The following SH3RF3 variants were observed in gnomAD, a reference collection of about 807,000 sequenced individuals.
SH3RF3 encodes the protein SH3 domain containing ring finger 3, also known as E3 ubiquitin-protein ligase SH3RF3.
A neutral mutation model predicts 66.3 loss-of-function variants in SH3RF3; 29 were observed. That is an observed-to-expected ratio of 0.44 (90% confidence interval 0.33 to 0.60). SH3RF3 has a LOEUF of 0.60. Among genes scored for constraint, SH3RF3 ranks in the 20% least tolerant of loss-of-function variants. SH3RF3 has a pLI of 0.04. For synonymous variants in SH3RF3, 583 were observed against 532.0 expected (o/e 1.10, Z -1.32); for missense variants, 1,194 against 1,190.9 (o/e 1.00, Z -0.04).
At chr2:109,286,898 A>G (rs753020738) in intron 1 of SH3RF3, among the ~76,000 whole-genome samples, 3 of 152,188 alleles carry the variant, frequency 2.0e-5, no homozygotes, top group Non-Finnish European at 4.4e-5. Context: ...GAAAGCAGTC[A>G]ATGCTGTGAG....
At chr2:109,193,894 C>T (rs1290944814) in intron 1 of SH3RF3, among the ~76,000 whole-genome samples, 1 of 152,208 alleles carries the variant, frequency 6.6e-6, no homozygotes, top group Non-Finnish European at 1.5e-5. Flanking sequence ...CAGGGTTTGG[C>T]AGGCTGCAAG....
In SH3RF3 at chr2:109,238,452, TG is replaced by T. The variant is rs1558974667; in HGVS notation, c.573+108340del. ...ATTTCTTGTTTGTTATGTATATTTG[TG>T]TGTGTGTGTGTGTGTGTGTGTGTGT... On this transcript the variant is annotated intron_variant, in intron 1 of 9. Transcript: ENST00000309415. Among the ~76,000 whole-genome samples, 7 of 952 alleles carry T rather than the reference TG, an allele frequency of 7.4e-3. No homozygotes were observed. The East Asian group carries it at 0.27, about 37-fold the overall frequency. The allele number at this position is 952 out of a possible 152,430, so 0.6% of individuals were successfully genotyped here. A position where few individuals can be genotyped will look rare whatever the true frequency, so the allele number is the denominator to read the frequency against.
chr2:109,292,777 G>T (rs1395713403), intron 1 of SH3RF3, among the ~76,000 whole-genome samples: 1 of 152,124 alleles, frequency 6.6e-6, no homozygotes, highest in Non-Finnish European at 1.5e-5. Flanking sequence ...TTGTTGCCCA[G>T]GCTGGAGTGC....
intron 1 of SH3RF3, among the ~76,000 whole-genome samples, chr2:109,134,778 C>A (rs1187283430): frequency 6.6e-6 from 1 of 152,184 alleles, no homozygotes; most frequent in African/African-American, 2.4e-5. Context: ...GTGGCCACCC[C>A]TTCCATTCAC....
At chr2:109,348,304 A>G (rs1380876593) in intron 2 of SH3RF3, among the ~76,000 whole-genome samples, 1 of 152,192 alleles carries the variant, frequency 6.6e-6, no homozygotes, top group Admixed American at 6.5e-5. Context: ...ACGCCTTTCC[A>G]GGACTCTTGG....
intron 1 of SH3RF3, among the ~76,000 whole-genome samples, chr2:109,309,520 A>G (rs1226018230): frequency 4.6e-5 from 6 of 129,156 alleles, no homozygotes; most frequent in East Asian, 2.1e-4. Context: ...TTAAATGTAA[A>G]TGGACTAAAT....
chr2:109,324,337 A>G (rs1682099855), intron 1 of SH3RF3, among the ~76,000 whole-genome samples: 1 of 152,112 alleles, frequency 6.6e-6, no homozygotes, highest in South Asian at 2.1e-4. Context: ...GTCGCATGGT[A>G]ACTCTCTTTA....
At chr2:109,320,749 A>G (rs1361034221) in intron 1 of SH3RF3, among the ~76,000 whole-genome samples, 4 of 152,244 alleles carry the variant, frequency 2.6e-5, no homozygotes, top group Admixed American at 2.0e-4. Context: ...CGTCAGGCAG[A>G]TGAACTTTCT....
chr2:109,133,520 A>G (rs765723469), intron 1 of SH3RF3, among the ~76,000 whole-genome samples: 10 of 152,194 alleles, frequency 6.6e-5, no homozygotes, highest in Non-Finnish European at 1.2e-4. Context: ...TTAGCTGAAC[A>G]CAGTCACCTT....
chr2:109,357,223 C>G (rs1009627266), intron 2 of SH3RF3, among the ~76,000 whole-genome samples: 1 of 151,736 alleles, frequency 6.6e-6, no homozygotes, highest in African/African-American at 2.4e-5. Context: ...ACTCTGTCGC[C>G]CAGGCTGGAG....
chr2:109,296,964 C>T (rs1056613084), intron 1 of SH3RF3, among the ~76,000 whole-genome samples: 7 of 152,138 alleles, frequency 4.6e-5, no homozygotes, highest in Admixed American at 4.6e-4. Flanking sequence ...CCCTGAGGAG[C>T]TAGTGATTTA....
At chr2:109,371,244 G>A (rs1199116724) in intron 2 of SH3RF3, among the ~76,000 whole-genome samples, 2 of 152,210 alleles carry the variant, frequency 1.3e-5, no homozygotes, top group Non-Finnish European at 2.9e-5. Flanking sequence ...ACAAAAATTA[G>A]CTGGGTGTGG....
chr2:109,344,772 G>T (rs987274309), intron 1 of SH3RF3, among the ~76,000 whole-genome samples: 4 of 152,184 alleles, frequency 2.6e-5, no homozygotes, highest in Non-Finnish European at 5.9e-5. Flanking sequence ...ATGACTGAAG[G>T]TCCTTGCCGA....
At chr2:109,207,370 A>G (rs1250463585) in intron 1 of SH3RF3, among the ~76,000 whole-genome samples, 1 of 152,100 alleles carries the variant, frequency 6.6e-6, no homozygotes, top group Non-Finnish European at 1.5e-5. Context: ...TGGGGGAGGG[A>G]AGCAGGTTGC....
chr2:109,178,979 C>CT, intron 1 of SH3RF3, among the ~76,000 whole-genome samples: 1 of 138,502 alleles, frequency 7.2e-6, no homozygotes, highest in East Asian at 2.1e-4. Flanking sequence ...GGGGGAAATA[C>CT]TTTTTTTCTT....
At chr2:109,224,077 A>G (rs1199580458) in intron 1 of SH3RF3, among the ~76,000 whole-genome samples, 1 of 152,254 alleles carries the variant, frequency 6.6e-6, no homozygotes, top group Non-Finnish European at 1.5e-5. Flanking sequence ...GAATAGCTTC[A>G]GGGTTTACCT....
chr2:109,490,534 C>CA, intron 8 of SH3RF3, 71 bp from the exon 9 acceptor site: 1 of 1,225,170 alleles, frequency 8.2e-7, no homozygotes, highest in Non-Finnish European at 1.1e-6. Flanking sequence ...AAGATGCATT[C>CA]CCCTCTCTCT....
At chr2:109,242,063 G>C (rs557367250) in intron 1 of SH3RF3, among the ~76,000 whole-genome samples, 6 of 152,174 alleles carry the variant, frequency 3.9e-5, no homozygotes, top group African/African-American at 1.4e-4. Context: ...CTCTGGTGTA[G>C]ACGGGGGTGT....
chr2:109,224,124 G>T (rs1234493895), intron 1 of SH3RF3, among the ~76,000 whole-genome samples: 7 of 152,286 alleles, frequency 4.6e-5, no homozygotes, highest in African/African-American at 1.7e-4. Flanking sequence ...AGAAACTGAG[G>T]CCTGGTCTCC....
Sources: allele counts gnomAD v4.1 joint callset (sites outside exome capture counted in the v4.1 genomes callset), GRCh38; gene constraint gnomAD v4.1.1; transcripts MANE v1.5; gene names NCBI Gene and HGNC (gene_info 2026-07-23, HGNC 2026-07-21).